Variants in IRAG2 observed in about 807,000 individuals in gnomAD.
IRAG2 encodes inositol 1,4,5-triphosphate receptor associated 2.
In IRAG2, 45 loss-of-function variants were observed where a neutral mutation model predicts 69.9. The observed-to-expected ratio is 0.64, with a 90% CI of 0.51 to 0.83. IRAG2 has a LOEUF of 0.83. Ranked by LOEUF, IRAG2 falls within the 40% of genes least tolerant of loss-of-function variation. The pLI, the probability that IRAG2 is intolerant of heterozygous loss-of-function variation, is 0.00. For synonymous variants in IRAG2, 193 were observed against 202.4 expected (o/e 0.95, Z 0.40); for missense variants, 520 against 587.0 (o/e 0.89, Z 1.18).
chr12:25,033,946 A>C, exon 13 of IRAG2: 1 of 399,016 alleles, frequency 2.5e-6, no homozygotes, highest in South Asian at 1.3e-4. Context: ...CAGTCTGCAG[A>C]GGTAGGTCAT....
At chr12:25,018,006 T>C (rs1450664794) in intron 6 of IRAG2, among the ~76,000 whole-genome samples, 1 of 152,180 alleles carries the variant, frequency 6.6e-6, no homozygotes, top group African/African-American at 2.4e-5. Flanking sequence ...ATCCATGTTG[T>C]AGCGTGTATT....
chr12:25,063,271 C>T (rs1945748120), intron 3 of IRAG2, among the ~76,000 whole-genome samples: 1 of 152,198 alleles, frequency 6.6e-6, no homozygotes, highest in South Asian at 2.1e-4. Flanking sequence ...CCATGTTGGC[C>T]AGGCTGGTGA....
Position 25,088,119 on chromosome 12 carries a change from A to G in IRAG2, c.335A>G (p.Glu112Gly), listed in dbSNP as rs1231522558. ...ILNLEAKEEP[E>G]TIEEHKKEHA... is the part of the protein sequence containing the mutation. ...TTTTAGGAAGCCAAAGAGGAACCAG[A>G]AACAATAGAAGAACATAAAAAAGAA... The change falls in exon 11 of 22, where the codon GAA (glutamate) becomes GGA (glycine). Residue 112 changes from glutamate to glycine, a missense_variant. Transcript: ENST00000556887. The G allele has an allele frequency of 6.2e-7, 1 of 1,613,322 alleles. No homozygotes were observed. Among genetic ancestry groups the G allele is most frequent in the Non-Finnish European group, 8.5e-7 (1 of 1,179,246 alleles).
At chr12:25,020,163 C>T (rs1395027901) in intron 6 of IRAG2, among the ~76,000 whole-genome samples, 8 of 152,198 alleles carry the variant, frequency 5.3e-5, no homozygotes, top group African/African-American at 7.2e-5. Flanking sequence ...TATAATCTAA[C>T]GGGAGCTACA....
At position 25,064,975 on chromosome 12, in the gene IRAG2, A is replaced by C. The variant is rs573928800; in HGVS notation, c.-207+1159A>C. On this transcript the variant is annotated intron_variant, in intron 4 of 21. Transcript: ENST00000556887. The stretch of plus-strand genomic sequence containing the variant: ...CATGGTGGTGCACACCTGTAGTCCC[A>C]GCTACTCAGGAGGCTGAGGCAGGAG... Among the ~76,000 whole-genome samples, 18 of 152,274 alleles carry C rather than the reference A, an allele frequency of 1.2e-4. No individual in the cohort carries two copies. The South Asian group carries it at 3.7e-3, about 32-fold the overall frequency.
chr12:25,070,282 C>T (rs1400227090), intron 6 of IRAG2, among the ~76,000 whole-genome samples: 1 of 152,178 alleles, frequency 6.6e-6, no homozygotes. Flanking sequence ...CTCCTGTCCC[C>T]AACCCCCAGC....
chr12:25,082,665 C>T (rs1306145231), intron 9 of IRAG2, among the ~76,000 whole-genome samples: 1 of 151,744 alleles, frequency 6.6e-6, no homozygotes, highest in Non-Finnish European at 1.5e-5. Flanking sequence ...ATAAAATTTT[C>T]ATAAGGAAAA....
intron 5 of IRAG2, among the ~76,000 whole-genome samples, chr12:25,066,853 T>A (rs913527561): frequency 1.3e-5 from 2 of 152,082 alleles, no homozygotes; most frequent in Non-Finnish European, 2.9e-5. Context: ...TTTTGCCACG[T>A]TGGCCAGGCT....
At chr12:25,076,825 G>T (rs939374673) in intron 6 of IRAG2, among the ~76,000 whole-genome samples, 2 of 151,924 alleles carry the variant, frequency 1.3e-5, no homozygotes, top group African/African-American at 4.8e-5. Context: ...AAAACTGAAG[G>T]ATATTTAATT....
chr12:25,066,069 C>A (rs1945965388), intron 4 of IRAG2, among the ~76,000 whole-genome samples: 1 of 152,172 alleles, frequency 6.6e-6, no homozygotes, highest in South Asian at 2.1e-4. Context: ...GGTTTTCTGA[C>A]CTCTCCCACA....
chr12:25,107,449 TAC>T (rs1343543255), intron 21 of IRAG2, among the ~76,000 whole-genome samples: 1 of 152,188 alleles, frequency 6.6e-6, no homozygotes, highest in Non-Finnish European at 1.5e-5. Flanking sequence ...GGGACTACTG[TAC>T]ACACACATAA....
rs768157761 is a variant in IRAG2 at position 25,105,433 on chromosome 12, T to TA, written c.1148+972dup. Among the ~76,000 whole-genome samples, 9 of 152,272 alleles carry TA rather than the reference T, an allele frequency of 5.9e-5. No individual in the cohort carries two copies. The South Asian group carries it at 8.3e-4, about 14-fold the overall frequency. On this transcript the variant is annotated intron_variant, in intron 20 of 21. Coordinates refer to ENST00000556887, the MANE Select transcript of IRAG2 (RefSeq NM_001366544.2). ...TTAAGGAGATGATTTTATGTTTATTTATTTTATTTTATACATTTTCGTGAG... is the reference window on the plus strand; with the variant it reads ...TTAAGGAGATGATTTTATGTTTATTTAATTTTATTTTATACATTTTCGTGAG...
intron 5 of IRAG2, among the ~76,000 whole-genome samples, chr12:25,068,887 C>A (rs1946155531): frequency 6.6e-6 from 1 of 152,190 alleles, no homozygotes; most frequent in Admixed American, 6.5e-5. Flanking sequence ...TTAACTTAGA[C>A]AGGTTTTGAT....
At position 25,066,524 on chromosome 12, in the gene IRAG2, G is replaced by A. The variant is rs188370447; in HGVS notation, c.-59+12G>A. ...AAAAGACAACACAAGTAGGTTAAGAGCAAAATTTACTTACTCTACTCCTCA... is the reference window on the plus strand; with the variant it reads ...AAAAGACAACACAAGTAGGTTAAGAACAAAATTTACTTACTCTACTCCTCA... On this transcript the variant is annotated intron_variant, in intron 5 of 21. Coordinates refer to ENST00000556887, the MANE Select transcript of IRAG2 (RefSeq NM_001366544.2). 1 of 401,212 alleles carries A rather than the reference G, an allele frequency of 2.5e-6. No individual in the cohort carries two copies. Among genetic ancestry groups the A allele is most frequent in the East Asian group, 3.6e-5 (1 of 28,070 alleles). 24.9% of individuals were successfully genotyped at this position (401,212 alleles called of 1,614,324 possible). A position where few individuals can be genotyped will look rare whatever the true frequency, so the allele number is the denominator to read the frequency against.
intron 16 of IRAG2, among the ~76,000 whole-genome samples, chr12:25,044,500 GC>G (rs1414565832): frequency 6.6e-6 from 1 of 151,922 alleles, no homozygotes; most frequent in Non-Finnish European, 1.5e-5. Context: ...ATTTTAAAAA[GC>G]CCAGATTCAA....
intron 9 of IRAG2, among the ~76,000 whole-genome samples, chr12:25,080,024 G>C (rs1947089325): frequency 6.6e-6 from 1 of 152,004 alleles, no homozygotes; most frequent in African/African-American, 2.4e-5. Flanking sequence ...ATTGTAATGG[G>C]ACAAATATTT....
intron 10 of IRAG2, chr12:25,031,143 C>A: frequency 1.1e-6 from 1 of 896,684 alleles, no homozygotes; most frequent in Non-Finnish European, 1.3e-6. Context: ...TTTCCATGCA[C>A]ATTTTGAAGT....
Position 25,069,403 on chromosome 12 carries a change from T to A in IRAG2, c.-5T>A. The A allele has an allele frequency of 6.2e-7, 1 of 1,614,022 alleles. No individual in the cohort carries two copies. The highest frequency in any genetic ancestry group is 1.1e-5 in the South Asian group (1 of 91,060). ...CCAGGAACGAATCTCTCAGGCTGCATCAGGATGAATGATGACCCAAGTATG... is the reference window on the plus strand; with the variant it reads ...CCAGGAACGAATCTCTCAGGCTGCAACAGGATGAATGATGACCCAAGTATG... On this transcript the variant is annotated 5_prime_UTR_variant, in exon 6 of 22. Coordinates refer to ENST00000556887, the MANE Select transcript of IRAG2 (RefSeq NM_001366544.2).
intron 1 of IRAG2, among the ~76,000 whole-genome samples, chr12:25,054,636 GC>G (rs938182717): frequency 1.2e-4 from 19 of 152,040 alleles, no homozygotes; most frequent in African/African-American, 4.6e-4. Context: ...ATTTTTTTCT[GC>G]CTGGATAACG....
Sources: allele counts gnomAD v4.1 joint callset (sites outside exome capture counted in the v4.1 genomes callset), GRCh38; gene constraint gnomAD v4.1.1; transcripts MANE v1.5; gene names NCBI Gene and HGNC (gene_info 2026-07-23, HGNC 2026-07-21).